Variants in XYLT1 observed in about 807,000 individuals in gnomAD.
The protein encoded by XYLT1 is xylosyltransferase 1, also known as beta-D-xylosyltransferase 1.
In XYLT1, 36 loss-of-function variants were observed where a neutral mutation model predicts 91.3. The ratio of observed to expected loss-of-function variants is 0.39; its 90% confidence interval spans 0.30 to 0.52. XYLT1 has a LOEUF of 0.52. Among genes scored for constraint, XYLT1 ranks in the 20% least tolerant of loss-of-function variants. The pLI is 0.68. For missense variants in XYLT1, 1,242 were observed against 1,284.5 expected (o/e 0.97, Z 0.51); for synonymous variants, 588 against 532.0 (o/e 1.11, Z -1.45).
At chr16:17,427,366 T>C (rs1177972176) in intron 1 of XYLT1, among the ~76,000 whole-genome samples, 1 of 152,234 alleles carries the variant, frequency 6.6e-6, no homozygotes, top group Non-Finnish European at 1.5e-5. Flanking sequence ...TGGTGCGATC[T>C]CGCCTCACGG....
At chr16:17,455,603 T>C (rs1567209493) in intron 1 of XYLT1, among the ~76,000 whole-genome samples, 1 of 151,538 alleles carries the variant, frequency 6.6e-6, no homozygotes, top group Non-Finnish European at 1.5e-5. Context: ...AATAAATAAA[T>C]AAATAAATAA....
intron 2 of XYLT1, among the ~76,000 whole-genome samples, chr16:17,316,053 C>A (rs1017987347): frequency 6.6e-6 from 1 of 152,174 alleles, no homozygotes; most frequent in South Asian, 2.1e-4. Flanking sequence ...TAGGAAATAG[C>A]CCCCACCTGG....
chr16:17,311,919 GAAC>G (rs139613296), intron 2 of XYLT1, among the ~76,000 whole-genome samples: 1,900 of 152,134 alleles, frequency 0.012, 51 homozygotes, highest in African/African-American at 0.043. Flanking sequence ...ACTACAATGA[GAAC>G]AATATAGGGG....
chr16:17,287,694 A>G (rs2034162258), intron 2 of XYLT1, among the ~76,000 whole-genome samples: 1 of 152,156 alleles, frequency 6.6e-6, no homozygotes, highest in Admixed American at 6.5e-5. Context: ...GGGCTCCTGG[A>G]GAGGAAGAAA....
At chr16:17,116,945 A>AC (rs1966853428) in intron 11 of XYLT1, among the ~76,000 whole-genome samples, 1 of 151,010 alleles carries the variant, frequency 6.6e-6, no homozygotes, top group East Asian at 1.9e-4. Context: ...TCTCTCCTCC[A>AC]TTTTTTTCCT....
chr16:17,461,725 A>T (rs1303662562), intron 1 of XYLT1, among the ~76,000 whole-genome samples: 1 of 152,186 alleles, frequency 6.6e-6, no homozygotes, highest in East Asian at 1.9e-4. Context: ...GAGGGGCTAG[A>T]GTCAACGGAC....
chr16:17,109,548 A>C (rs1236599773), intron 11 of XYLT1, among the ~76,000 whole-genome samples: 1 of 152,200 alleles, frequency 6.6e-6, no homozygotes. Flanking sequence ...GAAGGCAAAA[A>C]AACAGGGTAT....
chr16:17,301,386 G>A (rs2034392835), intron 2 of XYLT1, among the ~76,000 whole-genome samples: 1 of 151,978 alleles, frequency 6.6e-6, no homozygotes, highest in South Asian at 2.1e-4. Flanking sequence ...CTCCAGCCTG[G>A]GCAACACAAC....
At chr16:17,337,783 T>C (rs1210887522) in intron 2 of XYLT1, among the ~76,000 whole-genome samples, 3 of 143,672 alleles carry the variant, frequency 2.1e-5, no homozygotes, top group African/African-American at 7.7e-5. Context: ...TTCTTTTTCT[T>C]TTTTTTTTTT....
Position 17,257,114 on chromosome 16 carries a change from C to T in XYLT1, c.913+1874G>A, listed in dbSNP as rs189725648. Among the ~76,000 whole-genome samples the T allele has an allele frequency of 5.5e-3, 842 of 152,252 alleles. 6 individuals carry two copies. Among genetic ancestry groups the T allele is most frequent in the Middle Eastern group, 0.02 (6 of 294 alleles). On this transcript the variant is annotated intron_variant, in intron 3 of 11. Transcript: ENST00000261381. ...AGGGGTTGGTATTTGGATTTAGAAG[C>T]GACAAGGGGGTACTGTGAACCTTTG...
chr16:17,295,407 G>A (rs1458827715), intron 2 of XYLT1, among the ~76,000 whole-genome samples: 1 of 152,076 alleles, frequency 6.6e-6, no homozygotes, highest in Admixed American at 6.6e-5. Context: ...ACAGGCTGGA[G>A]TGCAGTGGTA....
intron 5 of XYLT1, among the ~76,000 whole-genome samples, chr16:17,160,262 A>T (rs1393421379): frequency 4.6e-5 from 7 of 152,156 alleles, no homozygotes; most frequent in Non-Finnish European, 1.5e-5. Flanking sequence ...TATATACTGA[A>T]TGGACAACTG....
At chr16:17,157,731 G>A (rs1281549147) in intron 6 of XYLT1, among the ~76,000 whole-genome samples, 1 of 152,074 alleles carries the variant, frequency 6.6e-6, no homozygotes, top group African/African-American at 2.4e-5. Flanking sequence ...CCCTGGACTG[G>A]TGTTTAATGG....
At chr16:17,287,388 T>G (rs1289237919) in intron 2 of XYLT1, among the ~76,000 whole-genome samples, 1 of 152,174 alleles carries the variant, frequency 6.6e-6, no homozygotes, top group Non-Finnish European at 1.5e-5. Flanking sequence ...CTCCTGGGGC[T>G]GTGGCCACTT....
chr16:17,259,118 G>T lies in XYLT1; in HGVS notation c.783C>A (p.Gly261=). Residue 261 remains glycine, a synonymous_variant, in exon 3 of 12, where the codon GGC becomes GGA. Transcript: ENST00000261381. ...YDQPPKCDIS[G]KEAISALSRA... ...GGGACAGGGCAGAGATGGCCTCCTT[G>T]CCTGAGATGTCACACTTAGGGGGCT... 6.3e-7 allele frequency: 1 copy of T among 1,576,328 alleles called. No homozygotes were observed. The highest frequency in any genetic ancestry group is 8.6e-7 in the Non-Finnish European group (1 of 1,162,012).
At chr16:17,379,672 A>C (rs59022529) in intron 1 of XYLT1, among the ~76,000 whole-genome samples, 9,384 of 151,934 alleles carry the variant, frequency 0.062, 365 homozygotes, top group African/African-American at 0.1. Context: ...GTTATCCTAG[A>C]GAATAACAGA....
At chr16:17,235,213 C>G (rs2141726261) in intron 3 of XYLT1, among the ~76,000 whole-genome samples, 1 of 152,092 alleles carries the variant, frequency 6.6e-6, no homozygotes, top group South Asian at 2.1e-4. Context: ...TCCCTTATCT[C>G]ACACAAGTCA....
chr16:17,217,455 C>T (rs1309134840), intron 3 of XYLT1, among the ~76,000 whole-genome samples: 1 of 152,220 alleles, frequency 6.6e-6, no homozygotes, highest in East Asian at 1.9e-4. Flanking sequence ...TTTATGCACT[C>T]ACGTTATATA....
At chr16:17,189,670 G>A (rs2032265653) in intron 5 of XYLT1, among the ~76,000 whole-genome samples, 1 of 152,210 alleles carries the variant, frequency 6.6e-6, no homozygotes, top group South Asian at 2.1e-4. Flanking sequence ...ATGCTACGAT[G>A]CAGATGAACC....
Sources: allele counts gnomAD v4.1 joint callset (sites outside exome capture counted in the v4.1 genomes callset), GRCh38; gene constraint gnomAD v4.1.1; transcripts MANE v1.5; gene names NCBI Gene and HGNC (gene_info 2026-07-23, HGNC 2026-07-21).